The following GSTCD variants were observed in gnomAD, a reference collection of about 807,000 sequenced individuals.
GSTCD encodes the protein glutathione S-transferase C-terminal domain containing.
A neutral mutation model predicts 68.3 loss-of-function variants in GSTCD; 44 were observed. The ratio of observed to expected loss-of-function variants is 0.64; its 90% CI spans 0.51 to 0.83. GSTCD has a LOEUF of 0.83. Ranked by LOEUF, GSTCD falls within the 40% of genes least tolerant of loss-of-function variation. The probability of loss-of-function intolerance (pLI) is 0.00; values close to 1 mark genes in which losing one functional copy is unlikely to be tolerated. For missense variants in GSTCD, 739 were observed against 735.9 expected, an observed-to-expected ratio of 1.00 and a Z score of -0.05; for synonymous variants, 273 against 255.2, an observed-to-expected ratio of 1.07 and a Z score of -0.67.
Position 105,835,943 on chromosome 4 carries a change from A to G in GSTCD, c.1664+1349A>G, listed in dbSNP as rs553334962. 3.3e-5 allele frequency among the ~76,000 whole-genome samples: 5 copies of G among 151,906 alleles called. No homozygotes were observed. In the East Asian group the frequency reaches 7.8e-4, roughly 24 times the overall value. ...GACCCACAGAGGGTAGCTTCTCTCC[A>G]TAGGCAGGTCATCCCAATGTCTACT... On this transcript the variant is annotated intron_variant, in intron 9 of 11. Transcript: ENST00000515279.
intron 5 of GSTCD, among the ~76,000 whole-genome samples, chr4:105,750,078 C>A (rs1168749242): frequency 6.6e-6 from 1 of 152,146 alleles, no homozygotes; most frequent in African/African-American, 2.4e-5. Flanking sequence ...ATGAAAATTT[C>A]TTCTATTTTA....
At chr4:105,844,194 C>G (rs11733150) in intron 11 of GSTCD, among the ~76,000 whole-genome samples, 8,291 of 152,046 alleles carry the variant, frequency 0.055, 255 homozygotes, top group Middle Eastern at 0.13. Context: ...CATTCTGACA[C>G]AGAATGTTTC....
intron 5 of GSTCD, among the ~76,000 whole-genome samples, chr4:105,781,165 A>G (rs1473532978): frequency 6.6e-6 from 1 of 152,240 alleles, no homozygotes; most frequent in Non-Finnish European, 1.5e-5. Flanking sequence ...AGGCATAAAC[A>G]GTGGAATATA....
intron 7 of GSTCD, among the ~76,000 whole-genome samples, chr4:105,824,820 G>A (rs1723505841): frequency 6.6e-6 from 1 of 152,008 alleles, no homozygotes; most frequent in South Asian, 2.1e-4. Context: ...ATTGTGCCCT[G>A]GAAATTGCGT....
chr4:105,811,182 A>G (rs1261604966), intron 5 of GSTCD, among the ~76,000 whole-genome samples: 1 of 152,108 alleles, frequency 6.6e-6, no homozygotes, highest in Non-Finnish European at 1.5e-5. Context: ...CGATTCTCCA[A>G]AAAAATAGAA....
In GSTCD at chr4:105,825,751, G is replaced by C; in HGVS notation, c.1481G>C (p.Trp494Ser). 6.5e-7 allele frequency: 1 copy of C among 1,548,124 alleles called. No individual in the cohort carries two copies. ...RSDELGLSNI[W>S]FIQANMEYFT... The stretch of plus-strand genomic sequence containing the variant: ...GATGAACTGGGTTTAAGCAACATTT[G>C]GTTCATTCAAGCAAATATGGAATAT... The change falls in exon 8 of 12, where the codon TGG becomes TCG. Residue 494 changes from tryptophan to serine, a missense_variant. Coordinates refer to ENST00000515279, the MANE Select transcript of GSTCD (RefSeq NM_001370181.1).
chr4:105,710,233 T>TTTA (rs10672030), intron 1 of GSTCD, among the ~76,000 whole-genome samples: 8 of 2,234 alleles, frequency 3.6e-3, no homozygotes, highest in South Asian at 0.042. Flanking sequence ...GGCCCATCAA[T>TTTA]TTTTTTTTTT....
intron 5 of GSTCD, among the ~76,000 whole-genome samples, chr4:105,748,083 C>T (rs1005008481): frequency 2.0e-5 from 3 of 151,874 alleles, no homozygotes; most frequent in South Asian, 2.1e-4. Flanking sequence ...GGTAAAACCC[C>T]GTCTCAACCT....
At chr4:105,807,081 T>C (rs1227200967) in intron 5 of GSTCD, 1 of 152,140 alleles carries the variant, frequency 6.6e-6, no homozygotes, top group African/African-American at 2.4e-5. Flanking sequence ...CTTCTTCCAA[T>C]CTTTTGTTTA....
At chr4:105,724,316 A>G (rs1732962486) in intron 3 of GSTCD, among the ~76,000 whole-genome samples, 1 of 151,868 alleles carries the variant, frequency 6.6e-6, no homozygotes, top group African/African-American at 2.4e-5. Flanking sequence ...GACCAAGAGA[A>G]AACAAAAATA....
intron 5 of GSTCD, among the ~76,000 whole-genome samples, chr4:105,813,428 A>G (rs1722835110): frequency 6.6e-6 from 1 of 152,230 alleles, no homozygotes; most frequent in African/African-American, 2.4e-5. Flanking sequence ...TTTTGAGCAC[A>G]AAATTATTTA....
chr4:105,808,418 T>A (rs572002407), intron 5 of GSTCD, among the ~76,000 whole-genome samples: 31 of 152,236 alleles, frequency 2.0e-4, no homozygotes, highest in Admixed American at 5.9e-4. Flanking sequence ...ATGTTTCAAG[T>A]CAAATCACTT....
chr4:105,802,162 G>C (rs920753495), intron 5 of GSTCD, among the ~76,000 whole-genome samples: 6 of 152,064 alleles, frequency 3.9e-5, no homozygotes, highest in Non-Finnish European at 8.8e-5. Flanking sequence ...GGCACATCAT[G>C]ATATTGTTTG....
chr4:105,749,254 T>C (rs916628641), intron 5 of GSTCD, among the ~76,000 whole-genome samples: 1 of 152,000 alleles, frequency 6.6e-6, no homozygotes, highest in African/African-American at 2.4e-5. Context: ...TAAAAGGTTT[T>C]TAAAAATTTC....
chr4:105,738,050 GAGTGGA>G (rs1425337379), intron 5 of GSTCD, among the ~76,000 whole-genome samples: 1 of 152,182 alleles, frequency 6.6e-6, no homozygotes, highest in Non-Finnish European at 1.5e-5. Context: ...CTTCTGCCAT[GAGTGGA>G]AGCTTCCTAA....
chr4:105,763,708 C>G (rs531970638), intron 5 of GSTCD, among the ~76,000 whole-genome samples: 1 of 152,186 alleles, frequency 6.6e-6, no homozygotes, highest in Admixed American at 6.5e-5. Context: ...GAAATCTAAA[C>G]TATTATGTCT....
intron 5 of GSTCD, among the ~76,000 whole-genome samples, chr4:105,757,269 TA>T (rs1734231808): frequency 6.6e-6 from 1 of 152,204 alleles, no homozygotes. Context: ...TTCATTTGAT[TA>T]AAAGGAGCAT....
chr4:105,829,966 TAAAAA>T (rs746399405), intron 8 of GSTCD, among the ~76,000 whole-genome samples: 2 of 150,482 alleles, frequency 1.3e-5, no homozygotes, highest in African/African-American at 2.4e-5. Flanking sequence ...AAATAGAACT[TAAAAA>T]AAAGAAAAAG....
intron 5 of GSTCD, among the ~76,000 whole-genome samples, chr4:105,817,743 GTTCTTC>G (rs1723070617): frequency 6.6e-6 from 1 of 151,808 alleles, no homozygotes; most frequent in African/African-American, 2.4e-5. Flanking sequence ...TAGGAATTCT[GTTCTTC>G]CATTCTAGCT....
Sources: gnomAD v4.1 joint callset for allele counts (sites outside exome capture counted in the v4.1 genomes callset) on GRCh38, gnomAD v4.1.1 for gene constraint, MANE v1.5 for transcripts, NCBI Gene and HGNC (gene_info 2026-07-23, HGNC 2026-07-21) for gene names.